Variants in CAP2 observed in about 807,000 individuals in gnomAD.
CAP2 encodes adenylyl cyclase-associated protein 2.
CAP2 carries 24 observed loss-of-function variants against 57.7 expected under a neutral mutation model. The ratio of observed to expected loss-of-function variants is 0.42; its 90% CI spans 0.30 to 0.58. CAP2 has a LOEUF of 0.58. CAP2 is among the 20% of genes least tolerant of loss of function. The pLI, the probability that CAP2 is intolerant of heterozygous loss-of-function variation, is 0.22. For synonymous variants in CAP2, 194 were observed against 207.2 expected (o/e 0.94, Z 0.55); for missense variants, 501 against 590.3 (o/e 0.85, Z 1.57).
At chr6:17,500,437 C>T (rs559755782) in intron 4 of CAP2, among the ~76,000 whole-genome samples, 42 of 139,770 alleles carry the variant, frequency 3.0e-4, no homozygotes, top group African/African-American at 9.5e-4. Flanking sequence ...GGCACGATCT[C>T]GGCTTACTGC....
chr6:17,556,726 T>C lies in CAP2; in HGVS notation c.*284T>C, dbSNP rs1178934889. ...AAAAAAGAATTCTGTTCCCCTCATA[T>C]CATGAACACAGTAACTGATAGGTAA... On this transcript the variant is annotated 3_prime_UTR_variant, in exon 13 of 13. Transcript: ENST00000229922. 3 of 374,020 alleles carry C rather than the reference T, an allele frequency of 8.0e-6. No homozygotes were observed. Among genetic ancestry groups the C allele is most frequent in the Non-Finnish European group, 1.5e-5 (3 of 206,498 alleles). The allele number at this position is 374,020 out of a possible 1,614,324, so 23.2% of individuals were successfully genotyped here.
intron 3 of CAP2, among the ~76,000 whole-genome samples, chr6:17,441,522 C>T (rs1048438073): frequency 1.1e-4 from 17 of 151,636 alleles, no homozygotes; most frequent in Admixed American, 8.5e-4. Context: ...TCACTCCTTT[C>T]GCCCAGGCTG....
At chr6:17,511,369 G>C (rs1302007468) in intron 6 of CAP2, among the ~76,000 whole-genome samples, 2 of 152,148 alleles carry the variant, frequency 1.3e-5, no homozygotes, top group Non-Finnish European at 2.9e-5. Context: ...CTTCCTTGAG[G>C]TTTAAACAGG....
chr6:17,452,110 T>C (rs1459318905), intron 3 of CAP2, among the ~76,000 whole-genome samples: 2 of 152,222 alleles, frequency 1.3e-5, no homozygotes, highest in African/African-American at 2.4e-5. Flanking sequence ...TGACTGTGTG[T>C]GTAGGGCAAG....
intron 1 of CAP2, among the ~76,000 whole-genome samples, chr6:17,414,261 C>CTTTTTTT (rs61122805): frequency 6.7e-6 from 1 of 148,184 alleles, no homozygotes; most frequent in Non-Finnish European, 1.5e-5. Context: ...AGTCTATTTC[C>CTTTTTTT]TTTTTTTTTT....
chr6:17,436,622 A>G (rs918173748), intron 3 of CAP2, among the ~76,000 whole-genome samples: 2 of 152,140 alleles, frequency 1.3e-5, no homozygotes, highest in Non-Finnish European at 2.9e-5. Context: ...ACGGCCATGC[A>G]ATGGAGACCA....
At chr6:17,437,288 G>A (rs956481645) in intron 3 of CAP2, among the ~76,000 whole-genome samples, 14 of 152,152 alleles carry the variant, frequency 9.2e-5, no homozygotes, top group Non-Finnish European at 1.8e-4. Flanking sequence ...CTGGAGCACA[G>A]AGCAGGGTGC....
intron 12 of CAP2, among the ~76,000 whole-genome samples, chr6:17,553,371 G>A (rs541566151): frequency 8.1e-3 from 174 of 21,530 alleles, no homozygotes; most frequent in Non-Finnish European, 5.4e-3. Flanking sequence ...TGTGGCTCAC[G>A]CCTGTAAATG....
At position 17,421,652 on chromosome 6, in the gene CAP2, G is replaced by C. The variant is rs145770840; in HGVS notation, c.97G>C (p.Gly33Arg). ...AESHRPPGNCGEVNGVIAGVA... is the reference protein window; with the variant it reads ...AESHRPPGNCREVNGVIAGVA... ...GTCCCACAGGCCCCCTGGGAACTGCGGGGAAGTCAATGGTGTCATTGCAGG... is the reference window on the plus strand; with the variant it reads ...GTCCCACAGGCCCCCTGGGAACTGCCGGGAAGTCAATGGTGTCATTGCAGG... Residue 33 changes from glycine to arginine, a missense_variant, in exon 2 of 13, where the codon GGG (glycine) becomes CGG (arginine). Physicochemically the swap from Gly to Arg is moderately radical, Grantham distance 125 (BLOSUM62 -2). Transcript: ENST00000229922. 9.3e-6 allele frequency: 15 copies of C among 1,614,054 alleles called. No homozygotes were observed. The Admixed American group carries it at 1.5e-4, about 16-fold the overall frequency.
chr6:17,462,061 C>G (rs866747402), intron 3 of CAP2, among the ~76,000 whole-genome samples: 1 of 147,462 alleles, frequency 6.8e-6, no homozygotes. Context: ...CCAAAAAAAC[C>G]CACAAAAATT....
intron 2 of CAP2, among the ~76,000 whole-genome samples, chr6:17,424,326 GGAGGCGGAGCTTGCAGTGAGCCGA>G (rs1453727519): frequency 3.9e-5 from 6 of 152,150 alleles, no homozygotes; most frequent in African/African-American, 1.2e-4. Context: ...CGTGAACCCG[GGAGGCGGAGCTTGCAGTGAGCCGA>G]GATCGCGCCA....
intron 4 of CAP2, among the ~76,000 whole-genome samples, chr6:17,492,022 T>C (rs76154315): frequency 0.017 from 2,551 of 152,326 alleles, 65 homozygotes; most frequent in African/African-American, 0.057. Flanking sequence ...CCCAGCCTTG[T>C]CCCTGTGTTT....
chr6:17,461,241 A>T (rs1458480013), intron 3 of CAP2, among the ~76,000 whole-genome samples: 5 of 149,458 alleles, frequency 3.3e-5, no homozygotes, highest in Non-Finnish European at 5.9e-5. Context: ...TTTTTTTGAG[A>T]CGTAGTCTCC....
intron 7 of CAP2, chr6:17,530,866 G>T: frequency 3.8e-6 from 4 of 1,054,586 alleles, no homozygotes; most frequent in South Asian, 2.7e-5. Flanking sequence ...TAACTGACCA[G>T]CTTAGAAAAA....
At chr6:17,441,197 A>G (rs1760063865) in intron 3 of CAP2, among the ~76,000 whole-genome samples, 1 of 151,386 alleles carries the variant, frequency 6.6e-6, no homozygotes, top group South Asian at 2.1e-4. Context: ...TTAGGAGGCT[A>G]TTTAGTTATA....
At chr6:17,428,560 T>G (rs1051162801) in intron 3 of CAP2, among the ~76,000 whole-genome samples, 2 of 139,080 alleles carry the variant, frequency 1.4e-5, no homozygotes, top group African/African-American at 5.4e-5. Context: ...CACTCATAGG[T>G]GGGAATTGAA....
intron 1 of CAP2, among the ~76,000 whole-genome samples, chr6:17,408,435 A>AG (rs1399309069): frequency 6.6e-6 from 1 of 152,124 alleles, no homozygotes; most frequent in Non-Finnish European, 1.5e-5. Flanking sequence ...GCCATTCATG[A>AG]GGGATCTGCC....
intron 4 of CAP2, among the ~76,000 whole-genome samples, chr6:17,498,705 G>GT (rs1373637587): frequency 6.6e-6 from 1 of 151,928 alleles, no homozygotes; most frequent in African/African-American, 2.4e-5. Flanking sequence ...AAAATAGCTT[G>GT]TTTTATTTTA....
chr6:17,537,602 CTGT>C (rs111372607), intron 7 of CAP2, among the ~76,000 whole-genome samples: 5,940 of 152,176 alleles, frequency 0.039, 406 homozygotes, highest in African/African-American at 0.13. Flanking sequence ...TAAGGATATT[CTGT>C]TTTCATTAAT....
Sources: gnomAD v4.1 joint callset for allele counts (sites outside exome capture counted in the v4.1 genomes callset) on GRCh38, gnomAD v4.1.1 for gene constraint, MANE v1.5 for transcripts, NCBI Gene and HGNC (gene_info 2026-07-23, HGNC 2026-07-21) for gene names.